Variants in ERCC8 observed in about 807,000 individuals in gnomAD.
ERCC8 encodes DNA excision repair protein ERCC-8.
Under a neutral mutation model 54.9 loss-of-function variants are expected in ERCC8, and 52 were observed. The ratio of observed to expected loss-of-function variants is 0.95; its 90% CI spans 0.76 to 1.19. The LOEUF is 1.19. Among genes scored for constraint, ERCC8 ranks in the 50% most tolerant of loss-of-function variants. The probability of loss-of-function intolerance (pLI) is 0.00; values close to 1 mark genes in which losing one functional copy is unlikely to be tolerated. For synonymous variants in ERCC8, 146 were observed against 157.2 expected, an observed-to-expected ratio of 0.93 and a Z score of 0.53; for missense variants, 514 against 466.1, an observed-to-expected ratio of 1.10 and a Z score of -0.95.
rs542021897 is a variant in ERCC8, at chr5:60,926,311, CTT to C, written c.173+2551_173+2552del. On this transcript the variant is annotated intron_variant, in intron 2 of 11. Transcript: ENST00000676185. ...ACACGTCTTTCTTCACTGAGAATGTCTTGTTACAAACATGTCTTAGCTCCTTT... is the reference window on the plus strand; with the variant it reads ...ACACGTCTTTCTTCACTGAGAATGTCGTTACAAACATGTCTTAGCTCCTTT... 4.0e-3 allele frequency among the ~76,000 whole-genome samples: 608 copies of C among 152,270 alleles called. 5 individuals are homozygous for C. The highest frequency in any genetic ancestry group is 0.014 in the African/African-American group (565 of 41,560).
chr5:60,915,195 C>T (rs184188414), intron 4 of ERCC8: 52 of 152,120 alleles, frequency 3.4e-4, no homozygotes, highest in Admixed American at 2.7e-3. Context: ...CTCGTAAAGG[C>T]ACCTAGGCCT....
chr5:60,923,466 T>C (rs1749659752), intron 2 of ERCC8, among the ~76,000 whole-genome samples: 1 of 152,140 alleles, frequency 6.6e-6, no homozygotes, highest in African/African-American at 2.4e-5. Context: ...TCTGGAGTTG[T>C]TGACACCTTT....
intron 11 of ERCC8, among the ~76,000 whole-genome samples, chr5:60,884,667 C>T (rs1456086474): frequency 6.6e-6 from 1 of 151,842 alleles, no homozygotes; most frequent in African/African-American, 2.4e-5. Flanking sequence ...ATAGGATCTT[C>T]TGGACAGACT....
intron 5 of ERCC8, 45 bp from the exon 6 acceptor site, chr5:60,903,761 C>T (rs1580005949): frequency 3.8e-6 from 6 of 1,580,704 alleles, no homozygotes; most frequent in Non-Finnish European, 5.2e-6. Flanking sequence ...CATAAGTCAT[C>T]ATCAAAAGGA....
At chr5:60,903,359 G>A (rs1345615408) in intron 6 of ERCC8, 43 of 353,688 alleles carry the variant, frequency 1.2e-4, no homozygotes, top group Non-Finnish European at 1.6e-5. Flanking sequence ...GTACACTGAT[G>A]TGAGTTGCAT....
At chr5:60,895,057 GCTA>G (rs1748684542) in intron 9 of ERCC8, among the ~76,000 whole-genome samples, 1 of 151,448 alleles carries the variant, frequency 6.6e-6, no homozygotes, top group African/African-American at 2.4e-5. Flanking sequence ...TGTAATCCCA[GCTA>G]CTCAGGAGGC....
chr5:60,880,192 C>T (rs1205456143), intron 11 of ERCC8, among the ~76,000 whole-genome samples: 1 of 152,154 alleles, frequency 6.6e-6, no homozygotes, highest in Non-Finnish European at 1.5e-5. Flanking sequence ...TGAATATTGG[C>T]CCCCACTCTC....
At chr5:60,874,957 C>T (rs1164705489) in intron 11 of ERCC8, among the ~76,000 whole-genome samples, 3 of 152,150 alleles carry the variant, frequency 2.0e-5, no homozygotes, top group African/African-American at 7.2e-5. Flanking sequence ...CACATACATA[C>T]ATATACTATG....
Position 60,934,589 on chromosome 5 carries a change from T to C in ERCC8, c.78-5630A>G, listed in dbSNP as rs528672764. 7.2e-5 allele frequency among the ~76,000 whole-genome samples: 11 copies of C among 152,354 alleles called. No homozygotes were observed. In the South Asian group the frequency reaches 1.7e-3, roughly 23 times the overall value. On this transcript the variant is annotated intron_variant, in intron 1 of 11. Coordinates refer to ENST00000676185, the MANE Select transcript of ERCC8 (RefSeq NM_000082.4). ...TTAATTAAGACCTATCTATTTATCT[T>C]TGTTTTTGTCGTGTTTGCTTTTCGG...
In ERCC8 at chr5:60,872,357, G is replaced by A. The variant is rs1747880597; in HGVS notation, c.*2258C>T. ...CACAGCAAAGGAAACAATTAATAGGGTGAAGAGACAACCTACAGAATGGAG... is the reference window on the plus strand; with the variant it reads ...CACAGCAAAGGAAACAATTAATAGGATGAAGAGACAACCTACAGAATGGAG... On this transcript the variant is annotated 3_prime_UTR_variant, in exon 12 of 12. Transcript: ENST00000676185. Among the ~76,000 whole-genome samples the A allele has an allele frequency of 6.6e-6, 1 of 152,080 alleles. No homozygotes were observed. The highest frequency in any genetic ancestry group is 1.5e-5 in the Non-Finnish European group (1 of 68,014).
chr5:60,921,130 C>G (rs1478294423), intron 3 of ERCC8, among the ~76,000 whole-genome samples: 1 of 151,856 alleles, frequency 6.6e-6, no homozygotes, highest in Non-Finnish European at 1.5e-5. Flanking sequence ...ATAAGAACCA[C>G]AGGGCATGTA....
At chr5:60,931,478 T>C (rs566484307) in intron 1 of ERCC8, among the ~76,000 whole-genome samples, 17 of 152,172 alleles carry the variant, frequency 1.1e-4, no homozygotes, top group Non-Finnish European at 1.6e-4. Flanking sequence ...GGCTAAGTTT[T>C]GGTATTTTTT....
chr5:60,908,718 G>T (rs1159123975), intron 4 of ERCC8, among the ~76,000 whole-genome samples: 1 of 151,952 alleles, frequency 6.6e-6, no homozygotes, highest in African/African-American at 2.4e-5. Context: ...ATAAAAAAAG[G>T]CTGAATTGCT....
intron 11 of ERCC8, among the ~76,000 whole-genome samples, chr5:60,887,069 T>C (rs981589275): frequency 2.0e-5 from 3 of 152,230 alleles, no homozygotes; most frequent in Non-Finnish European, 2.9e-5. Flanking sequence ...AACATATGCA[T>C]AGGAAAAAAC....
intron 4 of ERCC8, among the ~76,000 whole-genome samples, chr5:60,916,507 A>G (rs76866604): frequency 0.013 from 2,020 of 152,130 alleles, 57 homozygotes; most frequent in African/African-American, 0.047. Context: ...GCTTTTCTCA[A>G]TGGAGGTGCT....
intron 9 of ERCC8, among the ~76,000 whole-genome samples, chr5:60,894,080 G>A (rs1363237872): frequency 2.0e-5 from 3 of 151,054 alleles, no homozygotes; most frequent in Non-Finnish European, 4.4e-5. Context: ...CGCCTCCCGG[G>A]TTCACGCCAT....
chr5:60,931,452 G>C (rs564059721), intron 1 of ERCC8, among the ~76,000 whole-genome samples: 44 of 152,154 alleles, frequency 2.9e-4, no homozygotes, highest in Non-Finnish European at 6.0e-4. Context: ...GACTACAATT[G>C]CATGTTACCA....
intron 11 of ERCC8, among the ~76,000 whole-genome samples, chr5:60,879,675 C>T (rs1358361227): frequency 1.3e-5 from 2 of 152,192 alleles, no homozygotes; most frequent in African/African-American, 4.8e-5. Flanking sequence ...TTATCAGAGA[C>T]TAGGATTACA....
chr5:60,911,115 G>C (rs1055254046), intron 4 of ERCC8, among the ~76,000 whole-genome samples: 2 of 151,916 alleles, frequency 1.3e-5, no homozygotes, highest in South Asian at 4.2e-4. Context: ...CAACGTGCAG[G>C]TTTGTTACAT....
Sources: allele counts gnomAD v4.1 joint callset (sites outside exome capture counted in the v4.1 genomes callset), GRCh38; gene constraint gnomAD v4.1.1; transcripts MANE v1.5; gene names NCBI Gene and HGNC (gene_info 2026-07-23, HGNC 2026-07-21).